KMT2C: variants seen among roughly 807,000 people sequenced by gnomAD.
The protein encoded by KMT2C is lysine methyltransferase 2C.
A neutral mutation model predicts 507.9 loss-of-function variants in KMT2C; 88 were observed. The ratio of observed to expected loss-of-function variants is 0.17; its 90% CI spans 0.15 to 0.21. KMT2C has a LOEUF of 0.21. Among genes scored for constraint, KMT2C ranks in the 10% least tolerant of loss-of-function variants. KMT2C has a pLI of 1.00. For synonymous variants in KMT2C, 2,049 were observed against 2,080.8 expected (o/e 0.98, Z 0.42); for missense variants, 4,954 against 5,957.8 (o/e 0.83, Z 5.55).
At chr7:152,385,808 C>A (rs925764905) in intron 1 of KMT2C, among the ~76,000 whole-genome samples, 4 of 151,616 alleles carry the variant, frequency 2.6e-5, no homozygotes, top group African/African-American at 9.7e-5. Context: ...ATGCCTGAGG[C>A]CAGGTGCAGT....
At chr7:152,245,458 A>T (rs2095455951) in intron 14 of KMT2C, among the ~76,000 whole-genome samples, 1 of 152,182 alleles carries the variant, frequency 6.6e-6, no homozygotes, top group Non-Finnish European at 1.5e-5. Flanking sequence ...TACCAGGTTA[A>T]ATAAAATAGA....
intron 8 of KMT2C, among the ~76,000 whole-genome samples, chr7:152,264,559 T>C (rs1332115507): frequency 6.6e-6 from 1 of 152,198 alleles, no homozygotes; most frequent in Non-Finnish European, 1.5e-5. Context: ...GAAATTGTCC[T>C]TCCTGGAATG....
Position 152,140,502 on chromosome 7 carries a change from T to C in KMT2C, c.14344-711A>G, listed in dbSNP as rs3800837. Among the ~76,000 whole-genome samples the C allele has an allele frequency of 1.1e-3, 166 of 152,348 alleles. 1 individual carries two copies. The East Asian group carries it at 0.028, about 25-fold the overall frequency. On this transcript the variant is annotated intron_variant, in intron 55 of 58. Transcript: ENST00000262189. ...TAGCACAACTTGTAGAGAAACATAC[T>C]AACAAAATATGGGTCTTTGCCATAA...
In KMT2C at chr7:152,337,866, T is replaced by C. The variant is rs2096952095; in HGVS notation, c.251-7127A>G. Among the ~76,000 whole-genome samples, 3 of 151,564 alleles carry C rather than the reference T, an allele frequency of 2.0e-5. No homozygotes were observed. The South Asian group carries it at 6.2e-4, about 31-fold the overall frequency. On this transcript the variant is annotated intron_variant, in intron 2 of 58. Coordinates refer to ENST00000262189, the MANE Select transcript of KMT2C (RefSeq NM_170606.3). ...CACTTATACAACTTGATTTTTTTTT[T>C]TTTTTTTAAAGACAGAGTCTCGCTC...
chr7:152,158,053 T>A lies in KMT2C; in HGVS notation c.11670+810A>T, dbSNP rs1342294962. On this transcript the variant is annotated intron_variant, in intron 44 of 58. Coordinates refer to ENST00000262189, the MANE Select transcript of KMT2C (RefSeq NM_170606.3). Reference sequence around the variant, plus strand: ...AAATGAGACTTAAAATTTTCAAGTATCAAAATGCTGGAGTAAGTGAGAGAG... The same window carrying A: ...AAATGAGACTTAAAATTTTCAAGTAACAAAATGCTGGAGTAAGTGAGAGAG... The A allele has an allele frequency of 7.9e-6, 4 of 503,820 alleles. No homozygotes were observed. The East Asian group carries it at 3.2e-4, about 40-fold the overall frequency. 31.2% of individuals were successfully genotyped at this position (503,820 alleles called of 1,614,324 possible).
In KMT2C at chr7:152,146,558, G is replaced by A. The variant is rs779154089; in HGVS notation, c.14031+41C>T. The A allele has an allele frequency of 9.3e-6, 15 of 1,606,728 alleles. No individual in the cohort carries two copies. In the Admixed American group the frequency reaches 2.5e-4, roughly 27 times the overall value. ...GTGTTCAAGTGGTCACACTGAATCA[G>A]GAAAGCAATTCCAATCTCAAAGCCT... On this transcript the variant is annotated intron_variant, in intron 53 of 58. Transcript: ENST00000262189.
intron 16 of KMT2C, among the ~76,000 whole-genome samples, chr7:152,231,325 TAGA>T (rs2095103043): frequency 6.6e-6 from 1 of 152,238 alleles, no homozygotes; most frequent in African/African-American, 2.4e-5. Context: ...CTAGAAGCTG[TAGA>T]AGAAGACAAG....
chr7:152,200,751 T>C (rs895680506), intron 26 of KMT2C, among the ~76,000 whole-genome samples: 1 of 152,004 alleles, frequency 6.6e-6, no homozygotes, highest in African/African-American at 2.4e-5. Context: ...AAAGTTCAAA[T>C]CAAGACTATT....
intron 1 of KMT2C, among the ~76,000 whole-genome samples, chr7:152,417,155 G>GT (rs1432949676): frequency 1.3e-5 from 2 of 151,210 alleles, no homozygotes; most frequent in East Asian, 3.9e-4. Context: ...TAAAAAGTTC[G>GT]TATTTACTAA....
chr7:152,162,154 T>G lies in KMT2C; in HGVS notation c.11423A>C (p.Asn3808Thr), dbSNP rs149184207. The change falls in exon 43 of 59, where the codon AAT (asparagine) becomes ACT (threonine). Residue 3808 changes from asparagine to threonine, a missense_variant. This residue lies in a region of KMT2C where 801 missense variants were observed against 751.2 expected (regional missense o/e 1.07). Transcript: ENST00000262189. The part of the protein sequence containing the change: ...ICSEDDCTKD[N>T]KLVEKQNPAE... ...TGGGTTCTGCTTCTCAACTAGTTTA[T>G]TATCCTTTGTACAGTCATCTTCTGA... is the stretch of plus-strand genomic sequence containing the variant. 5.7e-5 allele frequency: 90 copies of G among 1,591,520 alleles called. No individual in the cohort carries two copies. The East Asian group carries it at 1.9e-3, about 34-fold the overall frequency.
chr7:152,317,084 A>G (rs919554785), intron 3 of KMT2C, among the ~76,000 whole-genome samples: 1 of 152,216 alleles, frequency 6.6e-6, no homozygotes, highest in Non-Finnish European at 1.5e-5. Context: ...AAAATGGAGC[A>G]ATATTTTAAA....
At chr7:152,202,516 G>A (rs1006259975) in intron 26 of KMT2C, among the ~76,000 whole-genome samples, 3 of 152,126 alleles carry the variant, frequency 2.0e-5, no homozygotes, top group Non-Finnish European at 2.9e-5. Flanking sequence ...AAGTGGTAAC[G>A]ATTATTAAAG....
At chr7:152,296,249 C>T (rs2096494371) in intron 6 of KMT2C, among the ~76,000 whole-genome samples, 1 of 150,644 alleles carries the variant, frequency 6.6e-6, no homozygotes, top group South Asian at 2.1e-4. Context: ...GGCAACATGG[C>T]GAAACCCCAT....
intron 43 of KMT2C, 78 bp from the exon 44 acceptor site, chr7:152,159,150 G>A: frequency 2.5e-6 from 3 of 1,201,490 alleles, no homozygotes; most frequent in Admixed American, 1.7e-5. Flanking sequence ...GCCAAGCTAT[G>A]ACGCGTCATC....
Position 152,163,432 on chromosome 7 carries a change from C to G in KMT2C, c.10145G>C (p.Arg3382Pro), listed in dbSNP as rs772864510. 1 of 1,614,028 alleles carries G rather than the reference C, an allele frequency of 6.2e-7. No individual in the cohort carries two copies. Among genetic ancestry groups the G allele is most frequent in the African/African-American group, 1.3e-5 (1 of 74,906 alleles). ...GGGATTGTTGTCATCAAATTCTACC[C>G]GAGGTGGTGGTCCACTCTGTGGATT... is the stretch of plus-strand genomic sequence containing the variant. The part of the protein sequence containing the change: ...NANPQSGPPP[R>P]VEFDDNNPFS... The change falls in exon 43 of 59, where the codon CGG becomes CCG. Residue 3382 changes from arginine (R) to proline (P), a missense_variant. By Grantham distance (103) the Arg-to-Pro change is moderately radical. Around this residue, in one of 29 missense-constraint regions of KMT2C, gnomAD observed 801 missense variants for 751.2 expected, o/e 1.07. Transcript: ENST00000262189.
intron 2 of KMT2C, among the ~76,000 whole-genome samples, chr7:152,350,830 A>G (rs1421477264): frequency 6.6e-6 from 1 of 152,210 alleles, no homozygotes; most frequent in Non-Finnish European, 1.5e-5. Context: ...TTTACTTTAT[A>G]AACTTTTTTT....
intron 24 of KMT2C, among the ~76,000 whole-genome samples, chr7:152,205,681 C>T (rs995633415): frequency 1.3e-5 from 2 of 151,516 alleles, no homozygotes; most frequent in Non-Finnish European, 2.9e-5. Flanking sequence ...GTAGTTATAA[C>T]ACCGTAGCAC....
chr7:152,170,669 A>G (rs1167139770), intron 40 of KMT2C, among the ~76,000 whole-genome samples: 1 of 151,904 alleles, frequency 6.6e-6, no homozygotes, highest in Non-Finnish European at 1.5e-5. Context: ...CGCCTGACTA[A>G]TTTTTGTATT....
intron 39 of KMT2C, among the ~76,000 whole-genome samples, chr7:152,172,113 A>G (rs1441606269): frequency 6.6e-6 from 1 of 152,196 alleles, no homozygotes; most frequent in East Asian, 1.9e-4. Context: ...TAGGATATAG[A>G]ATATGTTTTT....
Sources: allele counts gnomAD v4.1 joint callset (sites outside exome capture counted in the v4.1 genomes callset), GRCh38; gene constraint gnomAD v4.1.1; regional missense constraint gnomAD v4.1.1; transcripts MANE v1.5; gene names NCBI Gene and HGNC (gene_info 2026-07-23, HGNC 2026-07-21).